The following HELB variants were observed in gnomAD, a reference collection of about 807,000 sequenced individuals.
HELB encodes DNA helicase B.
A neutral mutation model predicts 101.7 loss-of-function variants in HELB; 96 were observed. The observed-to-expected ratio is 0.94, with a 90% CI of 0.80 to 1.12. HELB has a LOEUF of 1.12. HELB is among the 50% of genes most tolerant of loss of function. HELB has a pLI of 0.00. For synonymous variants in HELB, 437 were observed against 459.7 expected, an observed-to-expected ratio of 0.95 and a Z score of 0.63; for missense variants, 1,210 against 1,291.9, an observed-to-expected ratio of 0.94 and a Z score of 0.97.
intron 1 of HELB, among the ~76,000 whole-genome samples, chr12:66,303,248 A>T (rs2053430652): frequency 6.6e-6 from 1 of 151,992 alleles, no homozygotes; most frequent in Admixed American, 6.6e-5. Context: ...CTGACCACTT[A>T]TCCTCAAGTT....
chr12:66,322,310 C>A (rs2053679506), intron 8 of HELB, among the ~76,000 whole-genome samples: 1 of 152,050 alleles, frequency 6.6e-6, no homozygotes, highest in African/African-American at 2.4e-5. Context: ...CACCTGTAAT[C>A]CCAGCACTTT....
downstream of HELB, chr12:66,338,642 C>CA (rs761931143): frequency 0.029 from 3,958 of 135,056 alleles, 183 homozygotes; most frequent in African/African-American, 0.096. Context: ...ACTCCGTCTC[C>CA]AAAAAAAAAA....
chr12:66,322,208 C>T lies in HELB; in HGVS notation c.2237+179C>T, dbSNP rs568061605. Among the ~76,000 whole-genome samples, 4 of 152,168 alleles carry T rather than the reference C, an allele frequency of 2.6e-5. No individual in the cohort carries two copies. The South Asian group carries it at 8.3e-4, about 32-fold the overall frequency. ...GGCGCTTTCTAAACAGAGCTCTTTC[C>T]ACCAAGTATTATATTTAGAAGCTCA... On this transcript the variant is annotated intron_variant, in intron 8 of 12. Coordinates refer to ENST00000247815, the MANE Select transcript of HELB (RefSeq NM_001370285.1).
intron 5 of HELB, among the ~76,000 whole-genome samples, chr12:66,314,982 G>A (rs2053586479): frequency 6.7e-6 from 1 of 150,032 alleles, no homozygotes; most frequent in Non-Finnish European, 1.5e-5. Flanking sequence ...AACTACAAAT[G>A]TCTAAGGCCT....
chr12:66,323,548 G>T (rs1237423008), intron 9 of HELB, among the ~76,000 whole-genome samples: 2 of 152,200 alleles, frequency 1.3e-5, no homozygotes, highest in African/African-American at 4.8e-5. Context: ...TCAGTTTGCT[G>T]CTGTTGTACT....
intron 12 of HELB, among the ~76,000 whole-genome samples, chr12:66,332,116 A>G (rs577697067): frequency 6.6e-6 from 1 of 152,300 alleles, no homozygotes; most frequent in East Asian, 1.9e-4. Context: ...CAGCTGCCTA[A>G]TCTGCATCTT....
In HELB at chr12:66,338,141, T is replaced by A; in HGVS notation, c.*39T>A. 1 of 1,199,454 alleles carries A rather than the reference T, an allele frequency of 8.3e-7. No homozygotes were observed. Among genetic ancestry groups the A allele is most frequent in the Non-Finnish European group, 1.2e-6 (1 of 808,736 alleles). 74.3% of individuals were successfully genotyped at this position (1,199,454 alleles called of 1,614,324 possible). A position where few individuals can be genotyped will look rare whatever the true frequency, so the allele number is the denominator to read the frequency against. ...TGTTCCGAGTAACTATGTTTTTCTA[T>A]TGGAGACAAAATGAACATCGTAACG... On this transcript the variant is annotated 3_prime_UTR_variant, in exon 13 of 13. Transcript: ENST00000247815.
chr12:66,315,211 A>G, intron 5 of HELB, 31 bp from the exon 6 acceptor site: 1 of 1,485,318 alleles, frequency 6.7e-7, no homozygotes, highest in Non-Finnish European at 9.0e-7. Flanking sequence ...TCTCAGAGTA[A>G]GTCTTGCTAC....
intron 5 of HELB, among the ~76,000 whole-genome samples, chr12:66,314,760 C>G (rs1392413186): frequency 6.6e-6 from 1 of 152,046 alleles, no homozygotes; most frequent in Non-Finnish European, 1.5e-5. Context: ...TCTGCTTCCC[C>G]CAGTACATGT....
rs140721165 is a variant in HELB, at chr12:66,326,537, G to A, written c.2670+1411G>A. Among the ~76,000 whole-genome samples, 67 of 151,550 alleles carry A rather than the reference G, an allele frequency of 4.4e-4. No homozygotes were observed. In the East Asian group the frequency reaches 5.1e-3, roughly 12 times the overall value. The stretch of plus-strand genomic sequence containing the variant: ...ATTACAGGCCTGAGCCACTGCACCC[G>A]GCCCAACCCTCATTTTTATGCAGAA... On this transcript the variant is annotated intron_variant, in intron 11 of 12. Coordinates refer to ENST00000247815, the MANE Select transcript of HELB (RefSeq NM_001370285.1).
intron 12 of HELB, 54 bp from the exon 13 acceptor site, chr12:66,337,947 T>C (rs896040151): frequency 7.0e-6 from 7 of 1,006,052 alleles, no homozygotes; most frequent in Admixed American, 1.8e-5. Context: ...GTACGTAGGG[T>C]AGACTAACTA....
At chr12:66,304,592 A>G (rs887951940) in intron 1 of HELB, 139 bp from the exon 2 acceptor site, 1 of 707,990 alleles carries the variant, frequency 1.4e-6, no homozygotes, top group Non-Finnish European at 2.3e-6. Context: ...ATGCAGTGTT[A>G]CAGGCACCCT....
At chr12:66,312,304 C>CAGA (rs2053553925) in intron 4 of HELB, among the ~76,000 whole-genome samples, 1 of 152,130 alleles carries the variant, frequency 6.6e-6, no homozygotes, top group Admixed American at 6.5e-5. Flanking sequence ...ATTACAGATG[C>CAGA]TGTACACTAA....
Position 66,331,537 on chromosome 12 carries a change from A to G in HELB, c.3054A>G (p.Gln1018=), listed in dbSNP as rs998683697. The G allele has an allele frequency of 9.9e-6, 16 of 1,614,168 alleles. No individual in the cohort carries two copies. The highest frequency in any genetic ancestry group is 1.7e-5 in the Admixed American group (1 of 60,022). The change falls in exon 12 of 13, where the codon CAA becomes CAG. Residue 1018 remains glutamine, a synonymous_variant. Coordinates refer to ENST00000247815, the MANE Select transcript of HELB (RefSeq NM_001370285.1). ...ERTLTFAERW[Q]LSSPDGVDTD... Reference sequence around the variant, plus strand: ...CACTCACCTTTGCTGAAAGATGGCAATTATCTTCACCTGATGGAGTAGATA... The same window carrying G: ...CACTCACCTTTGCTGAAAGATGGCAGTTATCTTCACCTGATGGAGTAGATA...
At chr12:66,323,333 C>T (rs139159226) in intron 9 of HELB, among the ~76,000 whole-genome samples, 1 of 152,064 alleles carries the variant, frequency 6.6e-6, no homozygotes, top group East Asian at 1.9e-4. Flanking sequence ...GTCAGGTAGC[C>T]CAACAAGAGG....
At position 66,310,435 on chromosome 12, in the gene HELB, G is replaced by GCCT; in HGVS notation, c.1508_1510dup (p.Ala503_Cys504insSer). The stretch of plus-strand genomic sequence containing the variant: ...GTTGGAAGAAAGAGAAGTAAAAAAA[G>GCCT]CCTGTGAAGATTTTGAACAAGACCA... On this transcript the variant is annotated inframe_insertion, in exon 4 of 13. Coordinates refer to ENST00000247815, the MANE Select transcript of HELB (RefSeq NM_001370285.1). 2 of 1,614,142 alleles carry GCCT rather than the reference G, an allele frequency of 1.2e-6. No individual in the cohort carries two copies. Among genetic ancestry groups the GCCT allele is most frequent in the Non-Finnish European group, 1.7e-6 (2 of 1,180,022 alleles).
chr12:66,303,856 A>T (rs1327651484), intron 1 of HELB, among the ~76,000 whole-genome samples: 1 of 152,230 alleles, frequency 6.6e-6, no homozygotes, highest in Non-Finnish European at 1.5e-5. Context: ...GGTGCTGTTC[A>T]GTAGAACTTT....
rs1260878918 is a variant in HELB, at chr12:66,302,691, AACG to A, written c.95_97del (p.Asp32del). On this transcript the variant is annotated inframe_deletion, in exon 1 of 13. Coordinates refer to ENST00000247815, the MANE Select transcript of HELB (RefSeq NM_001370285.1). ...GGTGGAGGAGGACGACGACTACCTAAACGACGACGTGGAGGAGGATGAAGAGTC... is the reference window on the plus strand; with the variant it reads ...GGTGGAGGAGGACGACGACTACCTAAACGACGTGGAGGAGGATGAAGAGTC... 4.3e-6 allele frequency: 7 copies of A among 1,613,832 alleles called. No homozygotes were observed. The highest frequency in any genetic ancestry group is 4.2e-6 in the Non-Finnish European group (5 of 1,179,918).
chr12:66,309,933 G>A lies in HELB; in HGVS notation c.1005G>A (p.Leu335=). 6.2e-7 allele frequency: 1 copy of A among 1,614,202 alleles called. No homozygotes were observed. The highest frequency in any genetic ancestry group is 8.5e-7 in the Non-Finnish European group (1 of 1,180,032). Residue 335 remains leucine (L), a synonymous_variant, in exon 4 of 13, where the codon CTG becomes CTA. Coordinates refer to ENST00000247815, the MANE Select transcript of HELB (RefSeq NM_001370285.1). The part of the protein sequence containing the change: ...HMSFHAASES[L]KFLKDIGVVT... ...CATTTCATGCTGCTTCAGAGTCTCT[G>A]AAGTTTTTGAAGGATATTGGTGTGG... is the stretch of plus-strand genomic sequence containing the variant.
Sources: gnomAD v4.1 joint callset for allele counts (sites outside exome capture counted in the v4.1 genomes callset) on GRCh38, gnomAD v4.1.1 for gene constraint, MANE v1.5 for transcripts, NCBI Gene and HGNC (gene_info 2026-07-23, HGNC 2026-07-21) for gene names.